MIA2: variants seen among roughly 807,000 people sequenced by gnomAD.
The protein encoded by MIA2 is MIA SH3 domain ER export factor 2, also known as melanoma inhibitory activity protein 2.
Under a neutral mutation model 167.8 loss-of-function variants are expected in MIA2, and 127 were observed. The observed-to-expected ratio is 0.76, with a 90% CI of 0.66 to 0.88. The LOEUF is 0.88. Ranked by LOEUF, MIA2 falls within the 40% of genes least tolerant of loss-of-function variation. The pLI, the probability that MIA2 is intolerant of heterozygous loss-of-function variation, is 0.00. For synonymous variants in MIA2, 552 were observed against 541.9 expected, an observed-to-expected ratio of 1.02 and a Z score of -0.26; for missense variants, 1,690 against 1,624.7, an observed-to-expected ratio of 1.04 and a Z score of -0.69.
At chr14:39,288,903 C>T (rs999310647) in intron 9 of MIA2, among the ~76,000 whole-genome samples, 6 of 151,994 alleles carry the variant, frequency 3.9e-5, no homozygotes, top group Non-Finnish European at 8.8e-5. Context: ...GAGATATTGA[C>T]CTGTAGGTTT....
rs771954876 is a variant in MIA2, at chr14:39,247,567, T to C, written c.993T>C (p.Ala331=). Reference sequence around the variant, plus strand: ...AGGATACAGGGCTTGAATTAATAGCTGAAGAAAGCAATCCACCACTACAAG... The same window carrying C: ...AGGATACAGGGCTTGAATTAATAGCCGAAGAAAGCAATCCACCACTACAAG... ...GDEDTGLELI[A]EESNPPLQDF... Residue 331 remains alanine (A), a synonymous_variant, in exon 4 of 29, where the codon GCT becomes GCC. Transcript: ENST00000640607. 7.4e-6 allele frequency: 12 copies of C among 1,614,026 alleles called. No individual in the cohort carries two copies. The South Asian group carries it at 9.9e-5, about 13-fold the overall frequency.
intron 27 of MIA2, among the ~76,000 whole-genome samples, chr14:39,348,308 G>A (rs953100944): frequency 6.6e-6 from 1 of 152,204 alleles, no homozygotes; most frequent in African/African-American, 2.4e-5. Flanking sequence ...AGGAGTTTGA[G>A]TTAGTTTAAG....
intron 10 of MIA2, among the ~76,000 whole-genome samples, chr14:39,291,345 A>G (rs1338338469): frequency 2.0e-5 from 3 of 152,326 alleles, no homozygotes; most frequent in African/African-American, 7.2e-5. Context: ...ATGTTCAAGG[A>G]ATCAGGAGCT....
At chr14:39,249,978 T>G (rs1021222892) in intron 4 of MIA2, among the ~76,000 whole-genome samples, 12 of 152,200 alleles carry the variant, frequency 7.9e-5, no homozygotes, top group Non-Finnish European at 1.6e-4. Flanking sequence ...TTCTAACCCT[T>G]TTCCAAATGA....
At chr14:39,269,073 A>AGTTTTT (rs1247083976) in intron 6 of MIA2, 33 of 362,232 alleles carry the variant, frequency 9.1e-5, no homozygotes, top group Admixed American at 3.9e-4. Flanking sequence ...TCACCTGCAC[A>AGTTTTT]GTTTTTTTTT....
intron 1 of MIA2, 76 bp from the exon 2 acceptor site, chr14:39,236,846 A>C: frequency 7.4e-7 from 1 of 1,355,170 alleles, no homozygotes; most frequent in Non-Finnish European, 1.0e-6. Context: ...GGATGGATTG[A>C]GGGACAGCAA....
At chr14:39,302,440 G>T (rs1460447586) in intron 15 of MIA2, among the ~76,000 whole-genome samples, 191 bp downstream of exon 15, 1 of 152,136 alleles carries the variant, frequency 6.6e-6, no homozygotes, top group Non-Finnish European at 1.5e-5. Context: ...TTTTCAGTAA[G>T]TCTTTCTCCA....
At chr14:39,334,895 T>C (rs1288736982) in intron 25 of MIA2, among the ~76,000 whole-genome samples, 1 of 152,166 alleles carries the variant, frequency 6.6e-6, no homozygotes, top group Non-Finnish European at 1.5e-5. Context: ...ATCATTGCTA[T>C]TACTTTTTTG....
chr14:39,362,941 T>C (rs2074721510), intron 23 of MIA2, among the ~76,000 whole-genome samples: 1 of 152,218 alleles, frequency 6.6e-6, no homozygotes, highest in African/African-American at 2.4e-5. Flanking sequence ...GTCCCAGTGG[T>C]CTGTCATTTA....
intron 13 of MIA2, among the ~76,000 whole-genome samples, chr14:39,297,663 T>TTGTG (rs1555375049): frequency 2.1e-5 from 1 of 47,396 alleles, no homozygotes; most frequent in East Asian, 8.7e-4. Flanking sequence ...CTGTAGGGTT[T>TTGTG]TGCGTGTGTG....
chr14:39,372,137 A>G (rs1227913295), intron 23 of MIA2, among the ~76,000 whole-genome samples: 2 of 151,662 alleles, frequency 1.3e-5, no homozygotes, highest in African/African-American at 4.9e-5. Context: ...TAAATTTCTT[A>G]TAAGTAGAGG....
At chr14:39,289,411 C>T (rs886709584) in intron 9 of MIA2, among the ~76,000 whole-genome samples, 22 of 152,060 alleles carry the variant, frequency 1.4e-4, no homozygotes, top group Non-Finnish European at 7.4e-5. Flanking sequence ...GACAGAGTTT[C>T]ACCATGTTGG....
chr14:39,265,289 GA>G, intron 6 of MIA2: 2 of 884,016 alleles, frequency 2.3e-6, no homozygotes, highest in Non-Finnish European at 3.6e-6. Context: ...TGTGGAAACA[GA>G]AGAGTGCAGG....
intron 6 of MIA2, among the ~76,000 whole-genome samples, chr14:39,259,807 A>G (rs905874866): frequency 6.7e-6 from 1 of 149,142 alleles, no homozygotes; most frequent in South Asian, 2.1e-4. Context: ...TTGCTGCACC[A>G]TTAACTCATC....
chr14:39,313,268 C>T, intron 18 of MIA2, 72 bp from the exon 19 acceptor site: 1 of 736,628 alleles, frequency 1.4e-6, no homozygotes, highest in Non-Finnish European at 2.1e-6. Flanking sequence ...CCAGTTTTTT[C>T]ACAATTAAAA....
chr14:39,264,705 T>C (rs894135606), intron 6 of MIA2, among the ~76,000 whole-genome samples: 2 of 152,248 alleles, frequency 1.3e-5, no homozygotes, highest in Non-Finnish European at 2.9e-5. Flanking sequence ...CTCCACAATT[T>C]TGATTTTCTT....
chr14:39,298,269 C>G (rs2067862151), intron 13 of MIA2, among the ~76,000 whole-genome samples: 1 of 151,570 alleles, frequency 6.6e-6, no homozygotes, highest in Admixed American at 6.6e-5. Flanking sequence ...ATGCCATGTT[C>G]TAATGCACTC....
intron 25 of MIA2, among the ~76,000 whole-genome samples, chr14:39,330,916 C>G (rs1321541708): frequency 6.6e-6 from 1 of 152,066 alleles, no homozygotes; most frequent in African/African-American, 2.4e-5. Flanking sequence ...CTATGTGGCA[C>G]TGAGAAAAAT....
intron 25 of MIA2, among the ~76,000 whole-genome samples, chr14:39,342,600 A>G (rs941622139): frequency 6.6e-6 from 1 of 152,228 alleles, no homozygotes; most frequent in Non-Finnish European, 1.5e-5. Context: ...GACTTCCACA[A>G]TGGTTGAAAC....
Sources: gnomAD v4.1 joint callset for allele counts (sites outside exome capture counted in the v4.1 genomes callset) on GRCh38, gnomAD v4.1.1 for gene constraint, MANE v1.5 for transcripts, NCBI Gene and HGNC (gene_info 2026-07-23, HGNC 2026-07-21) for gene names.